The following LRRC4C variants were observed in gnomAD, a reference collection of about 807,000 sequenced individuals.
LRRC4C encodes leucine rich repeat containing 4C.
In LRRC4C, 5 loss-of-function variants were observed where a neutral mutation model predicts 33.6. The ratio of observed to expected loss-of-function variants is 0.15; its 90% confidence interval spans 0.08 to 0.31. The LOEUF is 0.31. Ranked by LOEUF, LRRC4C falls within the 10% of genes least tolerant of loss-of-function variation. The pLI, the probability that LRRC4C is intolerant of heterozygous loss-of-function variation, is 1.00. For missense variants in LRRC4C, 560 were observed against 796.7 expected (o/e 0.70, Z 3.58); for synonymous variants, 329 against 302.0 (o/e 1.09, Z -0.93).
In LRRC4C at chr11:41,016,341, G is replaced by A. The variant is rs1320114374; in HGVS notation, c.-495-82618C>T. On this transcript the variant is annotated intron_variant, in intron 1 of 6. Coordinates refer to ENST00000528697, the MANE Select transcript of LRRC4C (RefSeq NM_001258419.2). ...TGGCACTACCAAGGAAAAAGACCAT[G>A]GTAGCAGGGATGCCTATGAGAATGA... Among the ~76,000 whole-genome samples the A allele has an allele frequency of 3.9e-5, 6 of 152,118 alleles. No homozygotes were observed. The East Asian group carries it at 9.7e-4, about 25-fold the overall frequency.
At chr11:40,368,908 A>T (rs1237480831) in intron 3 of LRRC4C, among the ~76,000 whole-genome samples, 1 of 152,160 alleles carries the variant, frequency 6.6e-6, no homozygotes, top group Non-Finnish European at 1.5e-5. Context: ...CAATAATGTG[A>T]TAATAAAGCC....
chr11:40,549,133 G>A (rs1447778127), intron 3 of LRRC4C, among the ~76,000 whole-genome samples: 1 of 152,140 alleles, frequency 6.6e-6, no homozygotes, highest in Non-Finnish European at 1.5e-5. Flanking sequence ...CATGTACATT[G>A]AGTGAACATC....
At chr11:40,708,309 C>T (rs1407265315) in intron 2 of LRRC4C, among the ~76,000 whole-genome samples, 4 of 152,036 alleles carry the variant, frequency 2.6e-5, no homozygotes, top group Admixed American at 2.0e-4. Flanking sequence ...GATGTTAGGG[C>T]ATCAATTTTA....
At chr11:41,388,431 G>A (rs1243073707) in intron 1 of LRRC4C, among the ~76,000 whole-genome samples, 1 of 151,820 alleles carries the variant, frequency 6.6e-6, no homozygotes, top group Non-Finnish European at 1.5e-5. Context: ...TGACCCACAT[G>A]GTACTGGGGG....
chr11:40,677,203 T>C (rs924056586), intron 2 of LRRC4C, among the ~76,000 whole-genome samples: 1 of 152,024 alleles, frequency 6.6e-6, no homozygotes. Context: ...CTGGCCAACA[T>C]GGTGAAACTC....
intron 1 of LRRC4C, among the ~76,000 whole-genome samples, chr11:41,441,459 C>G (rs1248207399): frequency 2.0e-5 from 3 of 151,712 alleles, no homozygotes; most frequent in African/African-American, 7.3e-5. Flanking sequence ...GAGGGTTTAT[C>G]AGCCACCCCA....
At chr11:40,380,672 T>C (rs1009751117) in intron 3 of LRRC4C, among the ~76,000 whole-genome samples, 1 of 152,208 alleles carries the variant, frequency 6.6e-6, no homozygotes, top group Non-Finnish European at 1.5e-5. Context: ...CCTTCCTCTT[T>C]TACTGTGTAA....
At chr11:40,249,165 C>G (rs1416651099) in intron 4 of LRRC4C, among the ~76,000 whole-genome samples, 1 of 152,008 alleles carries the variant, frequency 6.6e-6, no homozygotes, top group Non-Finnish European at 1.5e-5. Flanking sequence ...TGGTGAAACC[C>G]CATCTCTACT....
intron 1 of LRRC4C, among the ~76,000 whole-genome samples, chr11:40,935,905 C>T (rs912617899): frequency 2.0e-5 from 3 of 149,786 alleles, no homozygotes; most frequent in African/African-American, 7.4e-5. Context: ...CAGCTATAAA[C>T]TAGAGTAATA....
chr11:40,668,607 G>T (rs529821719), intron 2 of LRRC4C, among the ~76,000 whole-genome samples: 88 of 152,248 alleles, frequency 5.8e-4, no homozygotes, highest in African/African-American at 2.0e-3. Context: ...TTTTCATACT[G>T]ATACCTGAGC....
intron 3 of LRRC4C, among the ~76,000 whole-genome samples, chr11:40,364,080 A>T (rs548493000): frequency 4.1e-4 from 62 of 152,302 alleles, no homozygotes; most frequent in African/African-American, 1.5e-3. Context: ...AGCACTATGT[A>T]ACTTAACTAT....
intron 2 of LRRC4C, among the ~76,000 whole-genome samples, chr11:40,901,393 C>T (rs1956190650): frequency 6.6e-6 from 1 of 152,054 alleles, no homozygotes; most frequent in Non-Finnish European, 1.5e-5. Flanking sequence ...TATTGATACT[C>T]CAGCTTCTCA....
At chr11:41,343,199 T>C (rs1951695071) in intron 1 of LRRC4C, among the ~76,000 whole-genome samples, 2 of 152,168 alleles carry the variant, frequency 1.3e-5, no homozygotes, top group African/African-American at 4.8e-5. Context: ...TGGACATATC[T>C]TTTTGGGGAC....
intron 3 of LRRC4C, among the ~76,000 whole-genome samples, chr11:40,547,961 A>C (rs77280524): frequency 0.027 from 4,050 of 152,206 alleles, 183 homozygotes; most frequent in African/African-American, 0.092. Context: ...CCAACGCTCT[A>C]TTCCCATAAG....
At chr11:40,496,159 G>A (rs1004456892) in intron 3 of LRRC4C, among the ~76,000 whole-genome samples, 6 of 151,834 alleles carry the variant, frequency 4.0e-5, no homozygotes, top group Non-Finnish European at 7.4e-5. Flanking sequence ...GCAAGCATGA[G>A]GTAAAGAAGA....
chr11:41,124,288 T>A (rs180763346), intron 1 of LRRC4C, among the ~76,000 whole-genome samples: 1 of 152,332 alleles, frequency 6.6e-6, no homozygotes, highest in East Asian at 1.9e-4. Context: ...GATATCCACA[T>A]GTCTCGTAAG....
At chr11:41,128,340 T>C (rs1942848738) in intron 1 of LRRC4C, among the ~76,000 whole-genome samples, 1 of 152,084 alleles carries the variant, frequency 6.6e-6, no homozygotes, top group African/African-American at 2.4e-5. Flanking sequence ...AGCTTGGTAA[T>C]ATGATGAATA....
At chr11:40,127,813 G>A (rs1012467105) in intron 6 of LRRC4C, among the ~76,000 whole-genome samples, 2 of 152,106 alleles carry the variant, frequency 1.3e-5, no homozygotes, top group African/African-American at 4.8e-5. Flanking sequence ...TCTGCATATG[G>A]TCACGTTAGA....
At chr11:40,809,874 T>C (rs1230901894) in intron 2 of LRRC4C, among the ~76,000 whole-genome samples, 1 of 152,190 alleles carries the variant, frequency 6.6e-6, no homozygotes, top group East Asian at 1.9e-4. Flanking sequence ...TTCATTTTAT[T>C]TCCAAGACTT....
Sources: allele counts gnomAD v4.1 joint callset (sites outside exome capture counted in the v4.1 genomes callset), GRCh38; gene constraint gnomAD v4.1.1; transcripts MANE v1.5; gene names NCBI Gene and HGNC (gene_info 2026-07-23, HGNC 2026-07-21).